Variants in TLE4 observed in about 807,000 individuals in gnomAD.
The protein encoded by TLE4 is TLE family member 4, transcriptional corepressor.
TLE4 carries 8 observed loss-of-function variants against 92.8 expected under a neutral mutation model. The ratio of observed to expected loss-of-function variants is 0.09; its 90% CI spans 0.05 to 0.16. The LOEUF (loss-of-function observed/expected upper bound fraction) is 0.16, where lower values mean the gene tolerates loss of function less well. Among genes scored for constraint, TLE4 ranks in the 10% least tolerant of loss-of-function variants. The pLI is 1.00. For missense variants in TLE4, 675 were observed against 997.6 expected (o/e 0.68, Z 4.36); for synonymous variants, 371 against 374.1 (o/e 0.99, Z 0.10).
At chr9:79,624,094 G>C (rs2051820119) in intron 5 of TLE4, among the ~76,000 whole-genome samples, 1 of 151,252 alleles carries the variant, frequency 6.6e-6, no homozygotes, top group Admixed American at 6.6e-5. Context: ...GACATAATGG[G>C]AAAGCCCTCA....
intron 4 of TLE4, among the ~76,000 whole-genome samples, chr9:79,585,202 A>C (rs2791569): frequency 0.46 from 70,273 of 152,074 alleles, 18,613 homozygotes; most frequent in African/African-American, 0.74. Context: ...GATTGCTTAT[A>C]GTGTCGATAA....
At position 79,709,679 on chromosome 9, in the gene TLE4, A is replaced by G; in HGVS notation, c.1320A>G (p.Thr440=). 1.9e-6 allele frequency: 3 copies of G among 1,614,150 alleles called. No individual in the cohort carries two copies. The highest frequency in any genetic ancestry group is 2.5e-6 in the Non-Finnish European group (3 of 1,180,012). The change falls in exon 14 of 20, where the codon ACA becomes ACG. Residue 440 remains threonine (T), a synonymous_variant. Transcript: ENST00000376552. Reference sequence around the variant, plus strand: ...TGCCAGCAATACCTCCAAACCTGACAGGCATTCCAGGAGGAAAACCGTGAG... The same window carrying G: ...TGCCAGCAATACCTCCAAACCTGACGGGCATTCCAGGAGGAAAACCGTGAG... ...MRVPAIPPNL[T]GIPGGKPAYS...
chr9:79,579,111 AG>A (rs1186570560), intron 4 of TLE4, among the ~76,000 whole-genome samples: 1 of 152,240 alleles, frequency 6.6e-6, no homozygotes, highest in Non-Finnish European at 1.5e-5. Context: ...GAAAGAACAT[AG>A]GCCCTTATTC....
chr9:79,579,973 C>T (rs1158477898), intron 4 of TLE4: 4 of 152,082 alleles, frequency 2.6e-5, no homozygotes, highest in African/African-American at 7.2e-5. Flanking sequence ...AGTGGATTGC[C>T]AATACTGCTT....
intron 4 of TLE4, among the ~76,000 whole-genome samples, chr9:79,594,509 T>A (rs1047295968): frequency 6.6e-6 from 1 of 151,976 alleles, no homozygotes; most frequent in Non-Finnish European, 1.5e-5. Flanking sequence ...TGTTTTTGTT[T>A]TGTATTTTTT....
intron 4 of TLE4, among the ~76,000 whole-genome samples, chr9:79,593,848 TA>T (rs1175753373): frequency 6.6e-6 from 1 of 152,234 alleles, no homozygotes; most frequent in Non-Finnish European, 1.5e-5. Flanking sequence ...CTCAGATCTT[TA>T]AAATTATTAT....
At chr9:79,715,025 C>T (rs2074211154) in intron 14 of TLE4, among the ~76,000 whole-genome samples, 1 of 152,158 alleles carries the variant, frequency 6.6e-6, no homozygotes, top group African/African-American at 2.4e-5. Context: ...ACATTAATGT[C>T]ATTAATGAAA....
At chr9:79,655,265 C>T (rs1439662326) in intron 8 of TLE4, among the ~76,000 whole-genome samples, 3 of 152,076 alleles carry the variant, frequency 2.0e-5, no homozygotes, top group East Asian at 1.9e-4. Flanking sequence ...AACCATTGGC[C>T]GAGGTACAAA....
intron 19 of TLE4, among the ~76,000 whole-genome samples, 176 bp from the exon 20 acceptor site, chr9:79,724,848 TTAAAAAAAAAAAA>T (rs2076206148): frequency 4.4e-5 from 1 of 22,842 alleles, no homozygotes; most frequent in African/African-American, 9.0e-5. Flanking sequence ...CCCTGTCTTA[TTAAAAAAAAAAAA>T]AAAAAAAAAA....
At chr9:79,628,383 T>G (rs967505327) in intron 6 of TLE4, among the ~76,000 whole-genome samples, 1 of 152,104 alleles carries the variant, frequency 6.6e-6, no homozygotes, top group African/African-American at 2.4e-5. Flanking sequence ...TCATTAAAAT[T>G]CAAATTGCTG....
intron 6 of TLE4, 39 bp from the exon 7 acceptor site, chr9:79,652,554 G>A (rs776580913): frequency 1.2e-6 from 2 of 1,609,984 alleles, no homozygotes; most frequent in East Asian, 2.2e-5. Flanking sequence ...GTTGGATATG[G>A]GGGCAAATTC....
Position 79,627,464 on chromosome 9 carries a change from A to G in TLE4, c.390+16A>G, listed in dbSNP as rs573461235. 8.7e-6 allele frequency: 14 copies of G among 1,613,334 alleles called. No homozygotes were observed. Among genetic ancestry groups the G allele is most frequent in the East Asian group, 6.7e-5 (3 of 44,868 alleles). On this transcript the variant is annotated intron_variant, in intron 6 of 19. Coordinates refer to ENST00000376552, the MANE Select transcript of TLE4 (RefSeq NM_007005.6). ...CATCATTGGGGTACGTGGCCTTTCC[A>G]TTTTAGCTCTGATCTTAGTGTTTGT...
intron 14 of TLE4, among the ~76,000 whole-genome samples, 174 bp downstream of exon 14, chr9:79,709,873 G>C (rs2072780603): frequency 6.6e-6 from 1 of 152,168 alleles, no homozygotes; most frequent in South Asian, 2.1e-4. Context: ...TAATGAAGTG[G>C]GGTTTTGCAT....
At chr9:79,702,706 G>T (rs2135828815) in intron 8 of TLE4, among the ~76,000 whole-genome samples, 1 of 152,282 alleles carries the variant, frequency 6.6e-6, no homozygotes, top group South Asian at 2.1e-4. Context: ...CTCAAGAGGG[G>T]CTGGCACAGC....
At chr9:79,681,615 A>C (rs540685178) in intron 8 of TLE4, among the ~76,000 whole-genome samples, 1 of 152,260 alleles carries the variant, frequency 6.6e-6, no homozygotes, top group Non-Finnish European at 1.5e-5. Flanking sequence ...CTAAGTCCTT[A>C]TTCTAAGGAT....
At chr9:79,714,923 G>C (rs1565156272) in intron 14 of TLE4, among the ~76,000 whole-genome samples, 1 of 152,206 alleles carries the variant, frequency 6.6e-6, no homozygotes, top group Non-Finnish European at 1.5e-5. Context: ...CAGTCAAAGA[G>C]TTTATCGAAA....
At chr9:79,592,212 C>A (rs1372108175) in intron 4 of TLE4, among the ~76,000 whole-genome samples, 1 of 128,898 alleles carries the variant, frequency 7.8e-6, no homozygotes, top group Non-Finnish European at 1.6e-5. Context: ...TCTTCTTCTT[C>A]TTCCTCTTCT....
intron 4 of TLE4, among the ~76,000 whole-genome samples, chr9:79,591,802 A>G (rs997787800): frequency 1.4e-4 from 22 of 152,162 alleles, no homozygotes; most frequent in African/African-American, 4.6e-4. Flanking sequence ...TCATTGATAG[A>G]AAAAGATACT....
At position 79,652,697 on chromosome 9, in the gene TLE4, C is replaced by T. The variant is rs770533986; in HGVS notation, c.495C>T (p.Ser165=). Residue 165 remains serine, a synonymous_variant, in exon 7 of 20, where the codon AGC becomes AGT. Transcript: ENST00000376552. The stretch of plus-strand genomic sequence containing the variant: ...CCCCTGCCATTCCACCCATCGGTAG[C>T]AGTGCCGGGCTTCTGGCCCTCTCCA... ...LQPPAIPPIG[S]SAGLLALSSA... 1.5e-5 allele frequency: 24 copies of T among 1,614,084 alleles called. No homozygotes were observed. In the Admixed American group the frequency reaches 1.8e-4, roughly 12 times the overall value.
Sources: gnomAD v4.1 joint callset for allele counts (sites outside exome capture counted in the v4.1 genomes callset) on GRCh38, gnomAD v4.1.1 for gene constraint, MANE v1.5 for transcripts, NCBI Gene and HGNC (gene_info 2026-07-23, HGNC 2026-07-21) for gene names.